Variants in CSMD1 observed in about 807,000 individuals in gnomAD.
The protein encoded by CSMD1 is CUB and Sushi multiple domains 1, also known as CUB and sushi domain-containing protein 1.
A neutral mutation model predicts 417.5 loss-of-function variants in CSMD1; 213 were observed. The ratio of observed to expected loss-of-function variants is 0.51; its 90% CI spans 0.46 to 0.57. The LOEUF (loss-of-function observed/expected upper bound fraction) is 0.57, where lower values mean the gene tolerates loss of function less well. Ranked by LOEUF, CSMD1 falls within the 20% of genes least tolerant of loss-of-function variation. The pLI is 0.00. For synonymous variants in CSMD1, 2,862 were observed against 1,736.8 expected, an observed-to-expected ratio of 1.65 and a Z score of -16.11; for missense variants, 6,923 against 4,529.7, an observed-to-expected ratio of 1.53 and a Z score of -15.17.
At chr8:3,303,280 C>T (rs145348470) in intron 25 of CSMD1, among the ~76,000 whole-genome samples, 84 of 152,244 alleles carry the variant, frequency 5.5e-4, no homozygotes, top group African/African-American at 1.9e-3. Flanking sequence ...GTATTTCCTA[C>T]TGGGATCTGG....
intron 3 of CSMD1, among the ~76,000 whole-genome samples, chr8:4,074,193 A>G (rs182969052): frequency 1.4e-3 from 213 of 152,230 alleles, no homozygotes; most frequent in Non-Finnish European, 2.0e-3. Context: ...AGTTAATGTC[A>G]CTATGCTAAA....
At chr8:3,529,480 T>A (rs968637753) in intron 10 of CSMD1, among the ~76,000 whole-genome samples, 1 of 152,104 alleles carries the variant, frequency 6.6e-6, no homozygotes, top group South Asian at 2.1e-4. Context: ...AAGGAAGAAA[T>A]TGGGATTATG....
chr8:4,093,307 A>G (rs573301860), intron 3 of CSMD1, among the ~76,000 whole-genome samples: 5 of 152,240 alleles, frequency 3.3e-5, no homozygotes, highest in Non-Finnish European at 5.9e-5. Context: ...ATTTAAATAA[A>G]CCAGGTTTTA....
At chr8:4,313,947 G>C (rs888779408) in intron 3 of CSMD1, among the ~76,000 whole-genome samples, 2 of 151,982 alleles carry the variant, frequency 1.3e-5, no homozygotes, top group African/African-American at 2.4e-5. Flanking sequence ...CTGGGAGGCA[G>C]AGGTTGCAGC....
intron 1 of CSMD1, among the ~76,000 whole-genome samples, chr8:4,839,992 C>A (rs1800741889): frequency 6.6e-6 from 1 of 152,174 alleles, no homozygotes; most frequent in South Asian, 2.1e-4. Context: ...GAATGTGGAA[C>A]TTACAGGTGC....
At chr8:3,080,186 C>T (rs1813984161) in intron 49 of CSMD1, among the ~76,000 whole-genome samples, 1 of 152,186 alleles carries the variant, frequency 6.6e-6, no homozygotes, top group Non-Finnish European at 1.5e-5. Flanking sequence ...TCTCTTTGAC[C>T]AGGGAACTTG....
rs1798918270 is a variant in CSMD1 at position 4,060,538 on chromosome 8, T to C, written c.416-28439A>G. 1.3e-5 allele frequency among the ~76,000 whole-genome samples: 2 copies of C among 152,160 alleles called. 1 individual carries two copies. Among genetic ancestry groups the C allele is most frequent in the South Asian group, 4.1e-4 (2 of 4,832 alleles). ...CAAAGGGGATGTCGGAGAAGGAGTG[T>C]GGCCTCTGCAATGGTTAACAGTGCG... On this transcript the variant is annotated intron_variant, in intron 3 of 69. Coordinates refer to ENST00000635120, the MANE Select transcript of CSMD1 (RefSeq NM_033225.6).
At chr8:4,760,398 C>T (rs1811963153) in intron 1 of CSMD1, among the ~76,000 whole-genome samples, 1 of 152,094 alleles carries the variant, frequency 6.6e-6, no homozygotes, top group Non-Finnish European at 1.5e-5. Flanking sequence ...TTAAAATTCT[C>T]AGCTGACTTT....
intron 2 of CSMD1, among the ~76,000 whole-genome samples, chr8:4,507,795 T>C (rs1802604603): frequency 1.3e-5 from 2 of 152,156 alleles, no homozygotes; most frequent in East Asian, 3.8e-4. Flanking sequence ...AAACAGAAGC[T>C]TTATATGAGA....
At chr8:4,444,142 G>A (rs575814401) in intron 2 of CSMD1, among the ~76,000 whole-genome samples, 7 of 151,956 alleles carry the variant, frequency 4.6e-5, no homozygotes, top group East Asian at 1.9e-4. Flanking sequence ...AGAAATTTGA[G>A]ACCACTCTGG....
intron 49 of CSMD1, among the ~76,000 whole-genome samples, chr8:3,064,025 G>A (rs1457392054): frequency 6.6e-6 from 1 of 152,204 alleles, no homozygotes; most frequent in Non-Finnish European, 1.5e-5. Context: ...GGAACATTAA[G>A]TCTTGCTGCA....
chr8:4,312,159 T>C (rs1001850401), intron 3 of CSMD1, among the ~76,000 whole-genome samples: 17 of 152,100 alleles, frequency 1.1e-4, no homozygotes, highest in African/African-American at 4.1e-4. Flanking sequence ...ACACGCTTCC[T>C]ACGTGCATTT....
intron 1 of CSMD1, among the ~76,000 whole-genome samples, chr8:4,682,783 T>C (rs547036649): frequency 2.0e-5 from 3 of 151,492 alleles, no homozygotes; most frequent in African/African-American, 7.2e-5. Context: ...AGTAAGTATA[T>C]ACGAAGCAAC....
At chr8:3,363,427 C>A (rs577196287) in intron 20 of CSMD1, among the ~76,000 whole-genome samples, 1 of 152,178 alleles carries the variant, frequency 6.6e-6, no homozygotes, top group East Asian at 1.9e-4. Context: ...CAAATTCTGC[C>A]TAGGGAAAAG....
At chr8:4,524,413 G>T (rs532149110) in intron 2 of CSMD1, among the ~76,000 whole-genome samples, 1 of 152,126 alleles carries the variant, frequency 6.6e-6, no homozygotes. Context: ...TAGTATTCAA[G>T]AGTTGATTTC....
At chr8:4,847,766 T>C (rs1801227666) in intron 1 of CSMD1, among the ~76,000 whole-genome samples, 1 of 149,282 alleles carries the variant, frequency 6.7e-6, no homozygotes, top group Non-Finnish European at 1.5e-5. Context: ...ATAGAATTCC[T>C]CTCTATCGGG....
intron 49 of CSMD1, among the ~76,000 whole-genome samples, chr8:3,081,757 G>C (rs1024882731): frequency 6.6e-6 from 1 of 152,064 alleles, no homozygotes; most frequent in Non-Finnish European, 1.5e-5. Context: ...TATTCATTTC[G>C]ATTGGTCCTT....
intron 10 of CSMD1, among the ~76,000 whole-genome samples, chr8:3,538,496 G>A (rs952687681): frequency 6.6e-6 from 1 of 152,142 alleles, no homozygotes; most frequent in African/African-American, 2.4e-5. Flanking sequence ...TGCCTCACCT[G>A]CGATGCCTCA....
chr8:4,320,486 T>C (rs1053083394), intron 3 of CSMD1, among the ~76,000 whole-genome samples: 2 of 152,114 alleles, frequency 1.3e-5, no homozygotes, highest in Non-Finnish European at 2.9e-5. Context: ...TTAGATATTT[T>C]TCCTAATGCT....
Sources: gnomAD v4.1 joint callset for allele counts (sites outside exome capture counted in the v4.1 genomes callset) on GRCh38, gnomAD v4.1.1 for gene constraint, MANE v1.5 for transcripts, NCBI Gene and HGNC (gene_info 2026-07-23, HGNC 2026-07-21) for gene names.